STK3: variants seen among roughly 807,000 people sequenced by gnomAD.
The protein encoded by STK3 is serine/threonine kinase 3.
STK3 carries 41 observed loss-of-function variants against 58.0 expected under a neutral mutation model. That is an observed-to-expected ratio of 0.71 (90% CI 0.55 to 0.92). The LOEUF (loss-of-function observed/expected upper bound fraction) is 0.92. Ranked by LOEUF, STK3 falls within the 40% of genes least tolerant of loss-of-function variation. The probability of loss-of-function intolerance (pLI) is 0.00; values close to 1 mark genes in which losing one functional copy is unlikely to be tolerated. For synonymous variants in STK3, 170 were observed against 191.0 expected, an observed-to-expected ratio of 0.89 and a Z score of 0.91; for missense variants, 479 against 602.7, an observed-to-expected ratio of 0.79 and a Z score of 2.15.
chr8:98,923,134 A>G (rs1839636498), intron 1 of STK3, among the ~76,000 whole-genome samples: 1 of 152,238 alleles, frequency 6.6e-6, no homozygotes, highest in African/African-American at 2.4e-5. Context: ...GGTTTTAAAT[A>G]TATCTAAAGC....
chr8:98,529,552 A>G (rs141857024), intron 9 of STK3, among the ~76,000 whole-genome samples: 1 of 152,354 alleles, frequency 6.6e-6, no homozygotes, highest in Non-Finnish European at 1.5e-5. Context: ...TTTATAAGAT[A>G]AAATTTACCA....
intron 3 of STK3, among the ~76,000 whole-genome samples, chr8:98,760,885 C>A (rs921606179): frequency 6.6e-6 from 1 of 151,516 alleles, no homozygotes; most frequent in African/African-American, 2.4e-5. Flanking sequence ...TGAGAAAAAC[C>A]AAAGGGGAAA....
intron 3 of STK3, among the ~76,000 whole-genome samples, chr8:98,851,327 C>A (rs1389239343): frequency 8.5e-5 from 13 of 152,096 alleles, no homozygotes; most frequent in African/African-American, 1.4e-4. Context: ...AGGCAATGTG[C>A]GGAAGTTCCT....
chr8:98,477,693 C>A (rs1476404446), intron 10 of STK3, among the ~76,000 whole-genome samples: 2 of 7,156 alleles, frequency 2.8e-4, no homozygotes, highest in African/African-American at 1.3e-3. Flanking sequence ...GCATAATCAT[C>A]ACACTTGGCG....
chr8:98,599,021 A>T (rs995599367), intron 6 of STK3: 1 of 470,714 alleles, frequency 2.1e-6, no homozygotes, highest in African/African-American at 2.1e-5. Flanking sequence ...GAACTTTATA[A>T]TCTCAGTGGA....
At chr8:98,560,882 A>C (rs1272029569) in intron 8 of STK3, among the ~76,000 whole-genome samples, 1 of 151,978 alleles carries the variant, frequency 6.6e-6, no homozygotes, top group Non-Finnish European at 1.5e-5. Context: ...AAAATACAAA[A>C]ATTAGCCACA....
At chr8:98,588,662 A>G (rs1388400295) in intron 7 of STK3, among the ~76,000 whole-genome samples, 14 of 150,736 alleles carry the variant, frequency 9.3e-5, no homozygotes, top group Admixed American at 9.3e-4. Context: ...TAGATTGGGG[A>G]AGTTCTCCTG....
At position 98,585,823 on chromosome 8, in the gene STK3, G is replaced by T. The variant is rs1375894159; in HGVS notation, c.823-6034C>A. On this transcript the variant is annotated intron_variant, in intron 7 of 10. Transcript: ENST00000419617. ...AAGAGGTCCTTCACATCCCTTGTAA[G>T]TTGGATTCCTAGGTATTTTATTCTC... is the stretch of plus-strand genomic sequence containing the variant. Among the ~76,000 whole-genome samples, 4 of 151,858 alleles carry T rather than the reference G, an allele frequency of 2.6e-5. No homozygotes were observed. In the East Asian group the frequency reaches 5.8e-4, roughly 22 times the overall value.
intron 3 of STK3, among the ~76,000 whole-genome samples, chr8:98,857,146 G>T (rs1836714582): frequency 6.6e-6 from 1 of 152,180 alleles, no homozygotes. Context: ...CTATGGTAAT[G>T]CACATATTTG....
chr8:98,800,222 G>A lies in STK3; in HGVS notation c.26+25293C>T, dbSNP rs1833436528. ...TGGTCTTACAAATGGAACCTCAAAT[G>A]AGTTCAACTAACAACTTCTACCGAG... On this transcript the variant is annotated intron_variant, in intron 1 of 10. Transcript: ENST00000419617. This position sits in a 1 kb window ranked among gnomAD's most constrained non-coding sequence, Gnocchi z 4.8. 1.3e-5 allele frequency among the ~76,000 whole-genome samples: 2 copies of A among 152,286 alleles called. No individual in the cohort carries two copies. Among genetic ancestry groups the A allele is most frequent in the Non-Finnish European group, 2.9e-5 (2 of 68,024 alleles).
chr8:98,570,309 A>T (rs1356831176), intron 8 of STK3, among the ~76,000 whole-genome samples: 1 of 150,436 alleles, frequency 6.6e-6, no homozygotes, highest in Non-Finnish European at 1.5e-5. Context: ...TGTGTTTTTT[A>T]ATTTTTTTTT....
At chr8:98,447,889 T>C (rs529547373) in intron 1 of STK3, among the ~76,000 whole-genome samples, 1 of 148,660 alleles carries the variant, frequency 6.7e-6, no homozygotes, top group African/African-American at 2.4e-5. Context: ...ATTGAAATAA[T>C]TTTACATTAA....
At chr8:98,491,162 C>CGAGAGA (rs61704241) in intron 10 of STK3, among the ~76,000 whole-genome samples, 4,452 of 142,874 alleles carry the variant, frequency 0.031, 82 homozygotes, top group Non-Finnish European at 0.037. Context: ...AAAATAAACA[C>CGAGAGA]GAGAGAGAGA....
intron 6 of STK3, among the ~76,000 whole-genome samples, chr8:98,701,281 A>C (rs1825591893): frequency 6.6e-6 from 1 of 152,066 alleles, no homozygotes; most frequent in African/African-American, 2.4e-5. Context: ...AGGAAATGAT[A>C]CTATTTATTC....
At chr8:98,675,159 G>C (rs1468464720) in intron 6 of STK3, among the ~76,000 whole-genome samples, 2 of 152,100 alleles carry the variant, frequency 1.3e-5, no homozygotes, top group South Asian at 2.1e-4. Flanking sequence ...AATGAACAAG[G>C]CTTGTGGAAA....
chr8:98,884,953 A>C (rs1837924155), intron 1 of STK3, among the ~76,000 whole-genome samples: 1 of 152,160 alleles, frequency 6.6e-6, no homozygotes, highest in African/African-American at 2.4e-5. Context: ...TTGCCTAAAA[A>C]CTCAAAGAAC....
chr8:98,746,480 C>A (rs538405798), intron 4 of STK3, among the ~76,000 whole-genome samples: 2 of 151,900 alleles, frequency 1.3e-5, no homozygotes, highest in Non-Finnish European at 2.9e-5. Flanking sequence ...AGGCATGGTA[C>A]CACACGACTG....
At chr8:98,493,899 T>C (rs1249264137) in intron 10 of STK3, among the ~76,000 whole-genome samples, 2 of 152,254 alleles carry the variant, frequency 1.3e-5, no homozygotes, top group Non-Finnish European at 2.9e-5. Flanking sequence ...GGGACTTATC[T>C]GAGATCTTCC....
Position 98,465,753 on chromosome 8 carries a change from C to T in STK3, c.1318-9753G>A, listed in dbSNP as rs536528228. ...TGCTGTGTTTACCTTGAATCTAGTGCAGGAGTTACAAACTGATGAGCATTA... is the reference window on the plus strand; with the variant it reads ...TGCTGTGTTTACCTTGAATCTAGTGTAGGAGTTACAAACTGATGAGCATTA... On this transcript the variant is annotated intron_variant, in intron 10 of 10. Coordinates refer to ENST00000419617, the MANE Select transcript of STK3 (RefSeq NM_006281.4). 3.9e-5 allele frequency among the ~76,000 whole-genome samples: 6 copies of T among 152,262 alleles called. No homozygotes were observed. In the South Asian group the frequency reaches 1.2e-3, roughly 32 times the overall value.
Sources: allele counts gnomAD v4.1 joint callset (sites outside exome capture counted in the v4.1 genomes callset), GRCh38; gene constraint gnomAD v4.1.1; non-coding constraint Gnocchi (gnomAD v3.1); transcripts MANE v1.5; gene names NCBI Gene and HGNC (gene_info 2026-07-23, HGNC 2026-07-21).